The following MBOAT1 variants were observed in gnomAD, a reference collection of about 807,000 sequenced individuals.
MBOAT1 encodes membrane bound glycerophospholipid O-acyltransferase 1, also known as membrane-bound glycerophospholipid O-acyltransferase 1.
A neutral mutation model predicts 64.4 loss-of-function variants in MBOAT1; 67 were observed. The ratio of observed to expected loss-of-function variants is 1.04; its 90% confidence interval spans 0.85 to 1.27. MBOAT1 has a LOEUF of 1.27. Among genes scored for constraint, MBOAT1 ranks in the 50% most tolerant of loss-of-function variants. MBOAT1 has a pLI of 0.00. For synonymous variants in MBOAT1, 229 were observed against 218.9 expected, an observed-to-expected ratio of 1.05 and a Z score of -0.41; for missense variants, 563 against 604.6, an observed-to-expected ratio of 0.93 and a Z score of 0.72.
chr6:20,106,331 C>T (rs1453796604), intron 12 of MBOAT1, among the ~76,000 whole-genome samples: 1 of 152,164 alleles, frequency 6.6e-6, no homozygotes, highest in Non-Finnish European at 1.5e-5. Context: ...TTCCTCTGTC[C>T]CACTAGGTGC....
intron 10 of MBOAT1, among the ~76,000 whole-genome samples, chr6:20,114,883 CAAAAAAAA>C (rs34238970): frequency 2.6e-5 from 3 of 116,154 alleles, no homozygotes; most frequent in Non-Finnish European, 5.6e-5. Context: ...AACTCCTTCT[CAAAAAAAA>C]AAAAAAAAAA....
In MBOAT1 at chr6:20,148,413, A is replaced by G. The variant is rs151080424; in HGVS notation, c.323+2772T>C. Among the ~76,000 whole-genome samples, 448 of 152,166 alleles carry G rather than the reference A, an allele frequency of 2.9e-3. 2 individuals are homozygous for G. Among genetic ancestry groups the G allele is most frequent in the African/African-American group, 0.01 (431 of 41,514 alleles). The stretch of plus-strand genomic sequence containing the variant: ...AGCCTGGGCAACAGAGTGAGGTTCC[A>G]TCTCAAAAAACAAAGGGTTAGTTTC... On this transcript the variant is annotated intron_variant, in intron 3 of 12. Coordinates refer to ENST00000324607, the MANE Select transcript of MBOAT1 (RefSeq NM_001080480.3).
In MBOAT1 at chr6:20,143,186, C is replaced by T. The variant is rs1009359477; in HGVS notation, c.419+1034G>A. On this transcript the variant is annotated intron_variant, in intron 4 of 12. Coordinates refer to ENST00000324607, the MANE Select transcript of MBOAT1 (RefSeq NM_001080480.3). Reference sequence around the variant, plus strand: ...GGGAAGTAACGTGGATAACAGATCACGCATCACCAGGAACAGCTCTGCTGT... The same window carrying T: ...GGGAAGTAACGTGGATAACAGATCATGCATCACCAGGAACAGCTCTGCTGT... 1.4e-4 allele frequency among the ~76,000 whole-genome samples: 22 copies of T among 152,190 alleles called. 1 individual carries two copies. The highest frequency in any genetic ancestry group is 5.1e-4 in the African/African-American group (21 of 41,442).
intron 3 of MBOAT1, among the ~76,000 whole-genome samples, chr6:20,145,413 A>G (rs1044821042): frequency 6.6e-6 from 1 of 152,240 alleles, no homozygotes; most frequent in Non-Finnish European, 1.5e-5. Context: ...TAGCAGTCCC[A>G]GCTAAGACAA....
In MBOAT1 at chr6:20,112,992, C is replaced by G. The variant is rs369053446; in HGVS notation, c.1093G>C (p.Val365Leu). Residue 365 changes from valine (V) to leucine (L), a missense_variant, in exon 11 of 13, where the codon GTT becomes CTT. Transcript: ENST00000324607. Reference protein sequence around the residue: ...TWLKCVCYQRVPWYPTVLTFI... With the variant: ...TWLKCVCYQRLPWYPTVLTFI... ...GTTAGCACCGTGGGGTACCATGGAA[C>G]CCGCTGATAGCACACACTGTGAAGA... The G allele has an allele frequency of 5.6e-6, 9 of 1,613,788 alleles. No homozygotes were observed. In the African/African-American group the frequency reaches 1.1e-4, roughly 19 times the overall value.
chr6:20,151,498 A>G (rs1450450549), intron 2 of MBOAT1, among the ~76,000 whole-genome samples: 2 of 152,272 alleles, frequency 1.3e-5, no homozygotes, highest in East Asian at 3.8e-4. Context: ...TCAGGAATCC[A>G]TAAATGGAAC....
At chr6:20,110,230 T>TA (rs1255621376) in intron 11 of MBOAT1, among the ~76,000 whole-genome samples, 2 of 124,834 alleles carry the variant, frequency 1.6e-5, no homozygotes, top group Non-Finnish European at 3.5e-5. Context: ...TTTTTTTTTT[T>TA]AAATAAGACT....
chr6:20,139,762 C>T lies in MBOAT1; in HGVS notation c.419+4458G>A, dbSNP rs182014532. Among the ~76,000 whole-genome samples, 589 of 151,108 alleles carry T rather than the reference C, an allele frequency of 3.9e-3. 2 individuals are homozygous for T. The highest frequency in any genetic ancestry group is 5.6e-3 in the Non-Finnish European group (380 of 67,746). ...TAAAGATGGGGTCTCACTATGTTGCCCAGGCTGGTCTCAAACTCCTGGACT... is the reference window on the plus strand; with the variant it reads ...TAAAGATGGGGTCTCACTATGTTGCTCAGGCTGGTCTCAAACTCCTGGACT... On this transcript the variant is annotated intron_variant, in intron 4 of 12. Coordinates refer to ENST00000324607, the MANE Select transcript of MBOAT1 (RefSeq NM_001080480.3).
rs138390650 is a variant in MBOAT1 at position 20,129,082 on chromosome 6, C to G, written c.476-329G>C. Among the ~76,000 whole-genome samples the G allele has an allele frequency of 3.3e-3, 501 of 152,262 alleles. 1 individual carries two copies. The highest frequency in any genetic ancestry group is 0.011 in the African/African-American group (474 of 41,548). On this transcript the variant is annotated intron_variant, in intron 5 of 12. Transcript: ENST00000324607. Reference sequence around the variant, plus strand: ...GAGTTCCTTGCCACTTTGTATATGTCTTCCCTGATACATCAGAGAGAGCAT... The same window carrying G: ...GAGTTCCTTGCCACTTTGTATATGTGTTCCCTGATACATCAGAGAGAGCAT...
intron 5 of MBOAT1, among the ~76,000 whole-genome samples, chr6:20,130,489 G>A (rs1200343726): frequency 6.6e-6 from 1 of 152,082 alleles, no homozygotes; most frequent in South Asian, 2.1e-4. Flanking sequence ...AAGTTGCTGG[G>A]ATTACAGGCA....
Position 20,118,862 on chromosome 6 carries a change from T to C in MBOAT1, c.908-322A>G, listed in dbSNP as rs183727977. 3.9e-5 allele frequency among the ~76,000 whole-genome samples: 6 copies of C among 151,960 alleles called. No homozygotes were observed. The East Asian group carries it at 1.2e-3, about 29-fold the overall frequency. ...AGAACCGAAATGAATAAATAAACAGTAGAATTTAGTGACCAACTTGACAGG... is the reference window on the plus strand; with the variant it reads ...AGAACCGAAATGAATAAATAAACAGCAGAATTTAGTGACCAACTTGACAGG... On this transcript the variant is annotated intron_variant, in intron 8 of 12. Transcript: ENST00000324607.
chr6:20,160,128 T>C (rs979653774), intron 1 of MBOAT1, among the ~76,000 whole-genome samples: 3 of 152,232 alleles, frequency 2.0e-5, no homozygotes, highest in African/African-American at 7.2e-5. Flanking sequence ...TGCCCAAGTG[T>C]TTGACTTCTT....
chr6:20,118,649 G>GTCT, intron 8 of MBOAT1, 109 bp from the exon 9 acceptor site: 1 of 835,232 alleles, frequency 1.2e-6, no homozygotes, highest in Non-Finnish European at 1.8e-6. Context: ...ATGCAGTAGT[G>GTCT]TCTTTGGAAA....
chr6:20,138,136 A>G (rs1761054893), intron 4 of MBOAT1, among the ~76,000 whole-genome samples: 1 of 152,150 alleles, frequency 6.6e-6, no homozygotes, highest in Non-Finnish European at 1.5e-5. Flanking sequence ...AGGAAGAGGG[A>G]TTTATGGTAG....
intron 5 of MBOAT1, among the ~76,000 whole-genome samples, chr6:20,130,867 ATTAAC>A (rs1760804837): frequency 6.6e-6 from 1 of 152,232 alleles, no homozygotes; most frequent in Non-Finnish European, 1.5e-5. Context: ...AGTGTCACAA[ATTAAC>A]TTAAATTTAA....
At chr6:20,209,581 G>C (rs75867730) in intron 1 of MBOAT1, among the ~76,000 whole-genome samples, 2 of 152,168 alleles carry the variant, frequency 1.3e-5, no homozygotes, top group African/African-American at 4.8e-5. Flanking sequence ...AATTAATCAG[G>C]AATTAGGATG....
intron 1 of MBOAT1, among the ~76,000 whole-genome samples, chr6:20,207,038 A>C (rs1763285108): frequency 6.6e-6 from 1 of 152,164 alleles, no homozygotes; most frequent in African/African-American, 2.4e-5. Context: ...TTCTCTGAAA[A>C]TTTCTGTTTC....
rs1047664666 is a variant in MBOAT1, at chr6:20,099,942, T to C, written c.*2344A>G. 1.3e-5 allele frequency among the ~76,000 whole-genome samples: 2 copies of C among 152,196 alleles called. No individual in the cohort carries two copies. The highest frequency in any genetic ancestry group is 4.8e-5 in the African/African-American group (2 of 41,448). ...TGTTCTTTTTATACAGAATAAAGCC[T>C]CATGTTTGTGTCCCAGGGCCTAACA... On this transcript the variant is annotated 3_prime_UTR_variant, in exon 13 of 13. Coordinates refer to ENST00000324607, the MANE Select transcript of MBOAT1 (RefSeq NM_001080480.3).
At chr6:20,177,590 G>A (rs1323196499) in intron 1 of MBOAT1, among the ~76,000 whole-genome samples, 10 of 152,004 alleles carry the variant, frequency 6.6e-5, no homozygotes, top group South Asian at 4.2e-4. Context: ...TGGCTACCAC[G>A]GTGAAACCCC....
Sources: allele counts gnomAD v4.1 joint callset (sites outside exome capture counted in the v4.1 genomes callset), GRCh38; gene constraint gnomAD v4.1.1; transcripts MANE v1.5; gene names NCBI Gene and HGNC (gene_info 2026-07-23, HGNC 2026-07-21).